Variants in DMD observed in about 807,000 individuals in gnomAD.
DMD encodes dystrophin.
Under a neutral mutation model 330.1 loss-of-function variants are expected in DMD, and 63 were observed. The observed-to-expected ratio is 0.19, with a 90% CI of 0.16 to 0.24. The LOEUF is 0.24. DMD is among the 10% of genes least tolerant of loss of function. The pLI, the probability that DMD is intolerant of heterozygous loss-of-function variation, is 1.00. For missense variants in DMD, 3,344 were observed against 2,684.1 expected (o/e 1.25, Z -5.43); for synonymous variants, 1,223 against 959.8 (o/e 1.27, Z -5.07).
chrX:32,194,021 A>G (rs1164817616), intron 44 of DMD, among the ~76,000 whole-genome samples: 1 of 112,286 alleles, frequency 8.9e-6, no homozygotes, highest in Non-Finnish European at 1.9e-5. Context: ...TTAAAGATCA[A>G]GGCAGATAAA....
chrX:31,275,411 T>C (rs910839482), intron 62 of DMD, among the ~76,000 whole-genome samples: 9 of 111,172 alleles, frequency 8.1e-5, no homozygotes, highest in Non-Finnish European at 1.3e-4. Flanking sequence ...AAAATACTAC[T>C]TTCCCCATTA....
At chrX:31,607,853 T>A (rs2077690709) in intron 55 of DMD, among the ~76,000 whole-genome samples, 1 of 112,188 alleles carries the variant, frequency 8.9e-6, no homozygotes, top group Admixed American at 9.5e-5. Context: ...ATGAAGAAAT[T>A]CAGAATAATC....
chrX:31,909,530 A>C (rs1245025224), intron 47 of DMD, among the ~76,000 whole-genome samples: 4 of 110,104 alleles, frequency 3.6e-5, no homozygotes, highest in East Asian at 5.7e-4. Context: ...AAAAAAAAAA[A>C]AAAAAACAAG....
chrX:31,270,577 A>G (rs2051552011), intron 62 of DMD, among the ~76,000 whole-genome samples: 1 of 112,350 alleles, frequency 8.9e-6, no homozygotes, highest in African/African-American at 3.2e-5. Flanking sequence ...AAGAGCTTCA[A>G]CGGTCTGCTT....
chrX:32,524,387 A>T (rs934917111), intron 17 of DMD, among the ~76,000 whole-genome samples: 26 of 112,283 alleles, frequency 2.3e-4, no homozygotes, highest in African/African-American at 8.4e-4. Context: ...TATTAACTCC[A>T]TAAAGAACAG....
intron 48 of DMD, among the ~76,000 whole-genome samples, chrX:31,837,192 A>C (rs7880185): frequency 0.15 from 16,416 of 111,767 alleles, 964 homozygotes; most frequent in African/African-American, 0.18. Context: ...TTATACACTT[A>C]TTGTTTTACA....
chrX:32,176,273 G>A (rs1054052230), intron 44 of DMD, among the ~76,000 whole-genome samples: 6 of 111,772 alleles, frequency 5.4e-5, no homozygotes, highest in African/African-American at 2.0e-4. Flanking sequence ...TCCTATCCCT[G>A]CTTACTAAAA....
chrX:32,256,340 T>A (rs996297862), intron 43 of DMD, among the ~76,000 whole-genome samples: 1 of 110,413 alleles, frequency 9.1e-6, no homozygotes, highest in African/African-American at 3.3e-5. Flanking sequence ...TTTAATTTTT[T>A]ATTTTTTTGC....
chrX:31,942,547 C>T (rs188129930), intron 45 of DMD, among the ~76,000 whole-genome samples: 6 of 111,833 alleles, frequency 5.4e-5, no homozygotes, highest in Admixed American at 3.8e-4. Context: ...ACAATGTTCC[C>T]TCTGCCTGGG....
chrX:32,642,974 T>C (rs1204889793), intron 11 of DMD, among the ~76,000 whole-genome samples: 2 of 111,331 alleles, frequency 1.8e-5, no homozygotes, highest in African/African-American at 6.5e-5. Flanking sequence ...AATGTTGGCA[T>C]ATGACCACAG....
chrX:33,125,969 G>A (rs1181444178), intron 1 of DMD, among the ~76,000 whole-genome samples: 2 of 108,834 alleles, frequency 1.8e-5, no homozygotes, highest in Non-Finnish European at 3.8e-5. Flanking sequence ...AACATGGGAG[G>A]TGGAGGTTGC....
intron 2 of DMD, among the ~76,000 whole-genome samples, chrX:32,882,676 TAG>T (rs1482990581): frequency 1.8e-5 from 2 of 112,402 alleles, no homozygotes; most frequent in African/African-American, 6.5e-5. Context: ...TCAGTTGTAT[TAG>T]AGTCAAAAAC....
intron 67 of DMD, among the ~76,000 whole-genome samples, chrX:31,199,217 A>T (rs768489349): frequency 3.0e-4 from 33 of 110,415 alleles, no homozygotes; most frequent in Non-Finnish European, 5.1e-4. Context: ...GGCTGTTTCC[A>T]TGGAATATGA....
chrX:32,644,941 T>A, intron 10 of DMD, 23 bp downstream of exon 10: 1 of 1,204,276 alleles, frequency 8.3e-7, no homozygotes, highest in Non-Finnish European at 1.1e-6. Context: ...TGTTTTGTTT[T>A]GTAAATTAAC....
intron 7 of DMD, among the ~76,000 whole-genome samples, chrX:32,744,936 A>C (rs2069786596): frequency 1.8e-5 from 2 of 111,753 alleles, no homozygotes; most frequent in South Asian, 7.4e-4. Flanking sequence ...TGTATTCTAC[A>C]TGTGATTATG....
chrX:32,265,406 C>T (rs1397604988), intron 43 of DMD, among the ~76,000 whole-genome samples: 2 of 112,552 alleles, frequency 1.8e-5, no homozygotes. Context: ...GATATCCAGG[C>T]AGAAGTTTGC....
chrX:32,047,727 T>C lies in DMD; in HGVS notation c.6439-79213A>G, dbSNP rs1467335922. Among the ~76,000 whole-genome samples the C allele has an allele frequency of 5.4e-5, 6 of 111,119 alleles. No individual in the cohort carries two copies. In the South Asian group the frequency reaches 1.1e-3, roughly 21 times the overall value. On this transcript the variant is annotated intron_variant, in intron 44 of 78. Transcript: ENST00000357033. The stretch of plus-strand genomic sequence containing the variant: ...CTACTTTAGGCAGTTTCACATATCA[T>C]TAAAACAAAAATTTACAGATTATGT...
At chrX:33,212,804 T>C (rs897886164), upstream of DMD, among the ~76,000 whole-genome samples, 27 of 111,675 alleles carry the variant, frequency 2.4e-4, no homozygotes, top group African/African-American at 8.5e-4. Context: ...TCCTTTCCTC[T>C]CAGTGTGGTT....
chrX:32,364,041 C>G (rs1272404513), intron 36 of DMD, among the ~76,000 whole-genome samples: 1 of 111,810 alleles, frequency 8.9e-6, no homozygotes, highest in Non-Finnish European at 1.9e-5. Context: ...AAAAAGAAGA[C>G]AGGGCATCCT....
Sources: gnomAD v4.1 joint callset for allele counts (sites outside exome capture counted in the v4.1 genomes callset) on GRCh38, gnomAD v4.1.1 for gene constraint, MANE v1.5 for transcripts, NCBI Gene and HGNC (gene_info 2026-07-23, HGNC 2026-07-21) for gene names.